Variants in MYH15 observed in about 807,000 individuals in gnomAD.
MYH15 encodes the protein myosin heavy chain 15.
Under a neutral mutation model 240.5 loss-of-function variants are expected in MYH15, and 227 were observed. The observed-to-expected ratio is 0.94, with a 90% CI of 0.85 to 1.05. The LOEUF (loss-of-function observed/expected upper bound fraction) is 1.05. Among genes scored for constraint, MYH15 ranks in the 50% least tolerant of loss-of-function variants. The pLI, the probability that MYH15 is intolerant of heterozygous loss-of-function variation, is 0.00. For missense variants in MYH15, 2,217 were observed against 2,247.5 expected (o/e 0.99, Z 0.27); for synonymous variants, 785 against 796.7 (o/e 0.99, Z 0.25).
At chr3:108,469,157 G>A (rs767196288) in intron 14 of MYH15, among the ~76,000 whole-genome samples, 5 of 152,194 alleles carry the variant, frequency 3.3e-5, no homozygotes, top group South Asian at 2.1e-4. Context: ...GATAGGACAC[G>A]GATTGATAAA....
rs748925913 is a variant in MYH15, at chr3:108,499,480, G to A, written c.499C>T (p.Arg167Ter). Residue 167 changes from arginine (R) to a stop codon, truncating the protein, a stop_gained and splice_region_variant, in exon 5 of 41, where the codon CGA (arginine) becomes TGA (stop). Transcript: ENST00000693548. LOFTEE classifies it high-confidence loss of function. Reference protein sequence around the residue: ...NNAFQDMLHNRENQSILFTGE... With the variant: ...NNAFQDMLHN Reference sequence around the variant, plus strand: ...GTGAAGAGTATAGACTGATTTTCTCGATCTACAAAAGAAAGAAAAATGCCA... The same window carrying A: ...GTGAAGAGTATAGACTGATTTTCTCAATCTACAAAAGAAAGAAAAATGCCA... The A allele has an allele frequency of 1.9e-5, 30 of 1,612,770 alleles. No homozygotes were observed. The highest frequency in any genetic ancestry group is 1.7e-4 in the Middle Eastern group (1 of 6,060).
chr3:108,535,850 T>G, the MYH15 span, among the ~76,000 whole-genome samples: 1 of 152,172 alleles, frequency 6.6e-6, no homozygotes, highest in South Asian at 2.1e-4. Context: ...AACTCTGGCA[T>G]GAGTATTCGC....
intron 40 of MYH15, among the ~76,000 whole-genome samples, 194 bp downstream of exon 40, chr3:108,383,401 A>G (rs2082357616): frequency 6.6e-6 from 1 of 152,210 alleles, no homozygotes; most frequent in Non-Finnish European, 1.5e-5. Context: ...TGTCACTCAA[A>G]TGCTTAGCAT....
intron 12 of MYH15, among the ~76,000 whole-genome samples, chr3:108,474,876 T>C (rs1374234656): frequency 6.6e-6 from 1 of 152,174 alleles, no homozygotes; most frequent in Non-Finnish European, 1.5e-5. Context: ...ACTTACGGCT[T>C]ACAGGGCATT....
chr3:108,522,859 A>G (rs1351417901), intron 1 of MYH15, among the ~76,000 whole-genome samples: 1 of 152,102 alleles, frequency 6.6e-6, no homozygotes, highest in African/African-American at 2.4e-5. Flanking sequence ...TGATATCATA[A>G]AAGATGTTAG....
chr3:108,536,723 C>T, the MYH15 span, among the ~76,000 whole-genome samples: 1 of 152,120 alleles, frequency 6.6e-6, no homozygotes, highest in African/African-American at 2.4e-5. Flanking sequence ...AATCTAAGCC[C>T]CCAAGTTTCC....
At chr3:108,420,238 T>G (rs182677295) in intron 28 of MYH15, among the ~76,000 whole-genome samples, 25 of 152,358 alleles carry the variant, frequency 1.6e-4, no homozygotes, top group Admixed American at 1.4e-3. Flanking sequence ...TGCCAGGCAG[T>G]GTTCTAGATG....
Position 108,455,771 on chromosome 3 carries a change from T to C in MYH15, c.2227A>G (p.Ile743Val). ...AAEELLGSLEIDHTQYRFGIT... is the reference protein window; with the variant it reads ...AAEELLGSLEVDHTQYRFGIT... Reference sequence around the variant, plus strand: ...CCAAATCGGTACTGGGTATGGTCTATCTCCAAGGAGCCAAGTAATTCTTCA... The same window carrying C: ...CCAAATCGGTACTGGGTATGGTCTACCTCCAAGGAGCCAAGTAATTCTTCA... Residue 743 changes from isoleucine (I) to valine (V), a missense_variant, in exon 20 of 41, where the codon ATA (isoleucine) becomes GTA (valine). Coordinates refer to ENST00000693548, the MANE Select transcript of MYH15 (RefSeq NM_014981.3). 6.2e-6 allele frequency: 10 copies of C among 1,613,924 alleles called. No homozygotes were observed. The highest frequency in any genetic ancestry group is 8.5e-6 in the Non-Finnish European group (10 of 1,179,842).
upstream of MYH15, among the ~76,000 whole-genome samples, chr3:108,513,124 G>A (rs549616869): frequency 4.6e-5 from 7 of 152,230 alleles, no homozygotes; most frequent in East Asian, 9.6e-4. Flanking sequence ...GAAAGAGCCC[G>A]AATGCCCAAA....
chr3:108,536,126 G>C, the MYH15 span, among the ~76,000 whole-genome samples: 1 of 152,132 alleles, frequency 6.6e-6, no homozygotes, highest in Non-Finnish European at 1.5e-5. Context: ...CTAGCCGGGG[G>C]TGGTGGCACA....
At chr3:108,490,723 G>A (rs1451933046) in intron 9 of MYH15, among the ~76,000 whole-genome samples, 3 of 152,058 alleles carry the variant, frequency 2.0e-5, no homozygotes, top group African/African-American at 4.8e-5. Context: ...TACTCATTGA[G>A]GTGTCTGCAA....
chr3:108,506,521 A>G (rs868020078), intron 1 of MYH15, among the ~76,000 whole-genome samples: 5 of 152,198 alleles, frequency 3.3e-5, no homozygotes, highest in Middle Eastern at 3.2e-3. Flanking sequence ...CAGAACTCTT[A>G]TGAACACCTG....
chr3:108,429,564 T>C (rs748384835), intron 26 of MYH15, among the ~76,000 whole-genome samples: 1 of 152,140 alleles, frequency 6.6e-6, no homozygotes, highest in Non-Finnish European at 1.5e-5. Flanking sequence ...CCTTTTAGTA[T>C]AGGCCAAACA....
At chr3:108,406,013 T>A (rs1055846236) in intron 32 of MYH15, among the ~76,000 whole-genome samples, 1 of 152,196 alleles carries the variant, frequency 6.6e-6, no homozygotes, top group South Asian at 2.1e-4. Flanking sequence ...AACACCATAA[T>A]TGGTACCACT....
chr3:108,428,794 C>G lies in MYH15; in HGVS notation c.3400G>C (p.Asp1134His). ...MERERADLTQ[D>H]LADLNERLEE... Reference sequence around the variant, plus strand: ...AGCCTCTCATTCAAGTCAGCCAGGTCTTGGGTGAGGTCAGCTCTCTCCCTT... The same window carrying G: ...AGCCTCTCATTCAAGTCAGCCAGGTGTTGGGTGAGGTCAGCTCTCTCCCTT... Residue 1134 changes from aspartate (D) to histidine (H), a missense_variant, in exon 27 of 41, where the codon GAC becomes CAC. Physicochemically the swap from Asp to His is moderately conservative, Grantham distance 81. Transcript: ENST00000693548. 6.2e-7 allele frequency: 1 copy of G among 1,614,046 alleles called. No individual in the cohort carries two copies. Among genetic ancestry groups the G allele is most frequent in the African/African-American group, 1.3e-5 (1 of 75,018 alleles).
chr3:108,393,936 G>A, intron 36 of MYH15, 95 bp downstream of exon 36: 2 of 1,550,488 alleles, frequency 1.3e-6, no homozygotes, highest in South Asian at 2.3e-5. Context: ...GGAAATCAAT[G>A]GAATACTTTT....
upstream of MYH15, among the ~76,000 whole-genome samples, chr3:108,532,028 C>T (rs1434762592): frequency 1.3e-5 from 2 of 151,954 alleles, no homozygotes; most frequent in African/African-American, 4.8e-5. Flanking sequence ...TAGGGAAGCA[C>T]TGGAAGGGAG....
intron 21 of MYH15, among the ~76,000 whole-genome samples, chr3:108,452,790 A>AT (rs1050892364): frequency 8.6e-5 from 13 of 152,008 alleles, no homozygotes; most frequent in African/African-American, 2.2e-4. Flanking sequence ...ATATATGTTA[A>AT]TTTTTTTTAA....
At chr3:108,426,387 G>A (rs1560349503) in intron 27 of MYH15, among the ~76,000 whole-genome samples, 1 of 152,060 alleles carries the variant, frequency 6.6e-6, no homozygotes, top group Non-Finnish European at 1.5e-5. Context: ...TGATGGAAAC[G>A]TGATTTCAAG....
Sources: allele counts gnomAD v4.1 joint callset (sites outside exome capture counted in the v4.1 genomes callset), GRCh38; gene constraint gnomAD v4.1.1; transcripts MANE v1.5; gene names NCBI Gene and HGNC (gene_info 2026-07-23, HGNC 2026-07-21).